Variants in ABCC9 observed in about 807,000 individuals in gnomAD.
The protein encoded by ABCC9 is ATP-binding cassette sub-family C member 9.
A neutral mutation model predicts 188.3 loss-of-function variants in ABCC9; 95 were observed. That is an observed-to-expected ratio of 0.50 (90% CI 0.43 to 0.60). ABCC9 has a LOEUF of 0.60. ABCC9 is among the 20% of genes least tolerant of loss of function. ABCC9 has a pLI of 0.00. For missense variants in ABCC9, 1,102 were observed against 1,876.3 expected (o/e 0.59, Z 7.62); for synonymous variants, 659 against 652.7 (o/e 1.01, Z -0.15).
chr12:21,889,061 G>C (rs1947017235), intron 14 of ABCC9, among the ~76,000 whole-genome samples: 1 of 152,128 alleles, frequency 6.6e-6, no homozygotes, highest in South Asian at 2.1e-4. Flanking sequence ...CAAGTCTTCA[G>C]AACTTGTTTT....
chr12:21,890,467 G>A (rs1947098165), intron 14 of ABCC9, among the ~76,000 whole-genome samples: 1 of 152,024 alleles, frequency 6.6e-6, no homozygotes, highest in Non-Finnish European at 1.5e-5. Context: ...TACTGCTCCT[G>A]CTGTTAAAAC....
chr12:21,814,995 C>A (rs1942507865), intron 34 of ABCC9, among the ~76,000 whole-genome samples: 1 of 151,902 alleles, frequency 6.6e-6, no homozygotes, highest in African/African-American at 2.4e-5. Flanking sequence ...CCAGCCTGGG[C>A]AATATTGCAA....
Position 21,915,387 on chromosome 12 carries a change from T to C in ABCC9, c.816+281A>G, listed in dbSNP as rs1295325480. The stretch of plus-strand genomic sequence containing the variant: ...GTATATATGTGTGTATATATAGACA[T>C]GTGTATATATGTATGTGTATATAGA... On this transcript the variant is annotated intron_variant, in intron 7 of 39. Transcript: ENST00000261200. Among the ~76,000 whole-genome samples the C allele has an allele frequency of 4.2e-5, 6 of 143,956 alleles. No individual in the cohort carries two copies. The South Asian group carries it at 1.3e-3, about 32-fold the overall frequency. The allele number at this position is 143,956 out of a possible 152,430, so 94.4% of individuals were successfully genotyped here.
In ABCC9 at chr12:21,907,613, G is replaced by C. The variant is rs541373872; in HGVS notation, c.1455+464C>G. Among the ~76,000 whole-genome samples the C allele has an allele frequency of 2.6e-5, 4 of 152,140 alleles. No individual in the cohort carries two copies. In the East Asian group the frequency reaches 7.7e-4, roughly 29 times the overall value. On this transcript the variant is annotated intron_variant, in intron 11 of 39. Transcript: ENST00000261200. The stretch of plus-strand genomic sequence containing the variant: ...TTGACCAGAAATATATTCAGCAAGA[G>C]CAGCTGCCACTGAAACATGTCAATG...
chr12:21,875,409 C>T (rs1450780649), intron 17 of ABCC9, among the ~76,000 whole-genome samples: 2 of 152,096 alleles, frequency 1.3e-5, no homozygotes, highest in Non-Finnish European at 2.9e-5. Flanking sequence ...GTTTAAATTG[C>T]CCAAATCAGC....
intron 5 of ABCC9, among the ~76,000 whole-genome samples, chr12:21,917,349 A>G (rs1948641350): frequency 6.6e-6 from 1 of 152,208 alleles, no homozygotes; most frequent in Non-Finnish European, 1.5e-5. Flanking sequence ...GGGAGGATGT[A>G]AAGAGATATA....
chr12:21,910,773 G>A, intron 9 of ABCC9, 53 bp downstream of exon 9: 1 of 1,513,538 alleles, frequency 6.6e-7, no homozygotes, highest in Non-Finnish European at 9.1e-7. Flanking sequence ...TCTTTTCACT[G>A]AATGGTATAT....
intron 37 of ABCC9, among the ~76,000 whole-genome samples, chr12:21,808,016 T>C (rs957394323): frequency 1.3e-5 from 2 of 152,178 alleles, no homozygotes; most frequent in Non-Finnish European, 2.9e-5. Context: ...CACTGTTGTA[T>C]GGATAAATGA....
At chr12:21,844,265 G>A (rs1432846450) in intron 28 of ABCC9, among the ~76,000 whole-genome samples, 1 of 151,934 alleles carries the variant, frequency 6.6e-6, no homozygotes, top group African/African-American at 2.4e-5. Context: ...GGTTCTCCAA[G>A]TATCTTCTTC....
At chr12:21,834,783 T>TTATA (rs201448231) in intron 30 of ABCC9, among the ~76,000 whole-genome samples, 9 of 65,032 alleles carry the variant, frequency 1.4e-4, no homozygotes, top group Admixed American at 6.6e-4. Context: ...ATATATAACA[T>TTATA]TATACACACA....
intron 39 of ABCC9, among the ~76,000 whole-genome samples, chr12:21,804,314 A>G (rs1029980965): frequency 6.6e-6 from 1 of 152,254 alleles, no homozygotes; most frequent in Non-Finnish European, 1.5e-5. Context: ...TTCCAGATAC[A>G]GACTAAATAG....
At position 21,849,750 on chromosome 12, in the gene ABCC9, A is replaced by G. The variant is rs1024583097; in HGVS notation, c.2770-1504T>C. Among the ~76,000 whole-genome samples, 5 of 152,216 alleles carry G rather than the reference A, an allele frequency of 3.3e-5. No homozygotes were observed. In the South Asian group the frequency reaches 6.2e-4, roughly 19 times the overall value. On this transcript the variant is annotated intron_variant, in intron 24 of 39. Coordinates refer to ENST00000261200, the MANE Select transcript of ABCC9 (RefSeq NM_020297.4). ...ATAAAAATTTAGTTTCATTTATCCA[A>G]TAAATATTCACTGGGCCAGGCCAGG...
chr12:21,863,089 A>G (rs1945604145), intron 19 of ABCC9, 35 bp from the exon 20 acceptor site: 3 of 1,388,142 alleles, frequency 2.2e-6, no homozygotes, highest in East Asian at 2.3e-5. Context: ...AAACACCAGG[A>G]TTATGCAAAG....
At chr12:21,832,802 A>G (rs944561382) in intron 30 of ABCC9, among the ~76,000 whole-genome samples, 2 of 152,204 alleles carry the variant, frequency 1.3e-5, no homozygotes, top group African/African-American at 4.8e-5. Flanking sequence ...AAGTCATTAT[A>G]TGAAAAAGAC....
chr12:21,838,204 T>A, intron 29 of ABCC9, 34 bp from the exon 30 acceptor site: 2 of 1,383,030 alleles, frequency 1.4e-6, no homozygotes, highest in African/African-American at 2.8e-5. Context: ...AAACTTCATG[T>A]GCATCCAGAC....
At chr12:21,806,666 C>G (rs191780243) in intron 38 of ABCC9, among the ~76,000 whole-genome samples, 6 of 152,222 alleles carry the variant, frequency 3.9e-5, no homozygotes, top group Admixed American at 3.3e-4. Context: ...GGCAGTATTA[C>G]CGTTATAATA....
In ABCC9 at chr12:21,812,177, G is replaced by T. The variant is rs777522951; in HGVS notation, c.4103-20C>A. 2 of 1,409,164 alleles carry T rather than the reference G, an allele frequency of 1.4e-6. No homozygotes were observed. The highest frequency in any genetic ancestry group is 2.3e-5 in the South Asian group (2 of 86,960). 87.3% of individuals were successfully genotyped at this position (1,409,164 alleles called of 1,614,324 possible). On this transcript the variant is annotated intron_variant, in intron 35 of 39. Coordinates refer to ENST00000261200, the MANE Select transcript of ABCC9 (RefSeq NM_020297.4). ...TTTTTCCTGTTAAGGAGAAACAGAA[G>T]TTACACACACATAGTAAAATCACAA... is the stretch of plus-strand genomic sequence containing the variant.
chr12:21,847,208 C>T (rs965897996), intron 25 of ABCC9, among the ~76,000 whole-genome samples: 1 of 152,110 alleles, frequency 6.6e-6, no homozygotes, highest in African/African-American at 2.4e-5. Context: ...AGCATCCCCA[C>T]TGAAACACTG....
intron 8 of ABCC9, among the ~76,000 whole-genome samples, chr12:21,911,239 C>A (rs1948311335): frequency 1.3e-5 from 2 of 151,894 alleles, no homozygotes; most frequent in South Asian, 2.1e-4. Context: ...AAAGGTATAT[C>A]CAACCTTAGT....
Sources: allele counts gnomAD v4.1 joint callset (sites outside exome capture counted in the v4.1 genomes callset), GRCh38; gene constraint gnomAD v4.1.1; transcripts MANE v1.5; gene names NCBI Gene and HGNC (gene_info 2026-07-23, HGNC 2026-07-21).